C6: variants seen among roughly 807,000 people sequenced by gnomAD.
The protein encoded by C6 is complement C6.
In C6, 101 loss-of-function variants were observed where a neutral mutation model predicts 112.9. The ratio of observed to expected loss-of-function variants is 0.89; its 90% CI spans 0.76 to 1.06. The LOEUF (loss-of-function observed/expected upper bound fraction) is 1.06. Ranked by LOEUF, C6 falls within the 50% of genes least tolerant of loss-of-function variation. The pLI is 0.00. For synonymous variants in C6, 431 were observed against 384.1 expected (o/e 1.12, Z -1.43); for missense variants, 1,202 against 1,104.6 (o/e 1.09, Z -1.25).
intron 1 of C6, among the ~76,000 whole-genome samples, chr5:41,223,759 C>A (rs2962288): frequency 0.7 from 106,714 of 152,002 alleles, 37,543 homozygotes; most frequent in African/African-American, 0.73. Flanking sequence ...CAACAGAAAC[C>A]GTACTTTTAT....
chr5:41,207,374 A>G (rs1023177097), intron 1 of C6, among the ~76,000 whole-genome samples: 1 of 152,256 alleles, frequency 6.6e-6, no homozygotes, highest in Non-Finnish European at 1.5e-5. Flanking sequence ...TTCACACATA[A>G]CAATATTAAC....
chr5:41,190,258 C>A (rs1750094520), intron 5 of C6, among the ~76,000 whole-genome samples: 1 of 152,176 alleles, frequency 6.6e-6, no homozygotes, highest in African/African-American at 2.4e-5. Context: ...TTCTCCACAT[C>A]CTTTCCAGCA....
At chr5:41,231,479 G>A in intron 1 of C6, among the ~76,000 whole-genome samples, 1 of 152,164 alleles carries the variant, frequency 6.6e-6, no homozygotes, top group South Asian at 2.1e-4. Context: ...GCTTAACTTT[G>A]TTCACATACA....
At chr5:41,250,220 G>A (rs572689248) in intron 1 of C6, among the ~76,000 whole-genome samples, 2 of 152,128 alleles carry the variant, frequency 1.3e-5, no homozygotes, top group Non-Finnish European at 2.9e-5. Context: ...CTCACCCTAG[G>A]CTTGAGGAGA....
At chr5:41,167,834 G>T (rs1177613506) in intron 9 of C6, among the ~76,000 whole-genome samples, 1 of 152,124 alleles carries the variant, frequency 6.6e-6, no homozygotes, top group African/African-American at 2.4e-5. Context: ...TGATGCCTTA[G>T]GAAAAGTTTA....
chr5:41,209,465 G>T lies in C6; in HGVS notation c.-21+3911C>A, dbSNP rs1751715445. Among the ~76,000 whole-genome samples the T allele has an allele frequency of 2.0e-5, 3 of 152,168 alleles. No individual in the cohort carries two copies. The South Asian group carries it at 6.2e-4, about 32-fold the overall frequency. On this transcript the variant is annotated intron_variant, in intron 1 of 17. Coordinates refer to ENST00000337836, the MANE Select transcript of C6 (RefSeq NM_000065.5). ...TGCAGATGACATGATTGTATATTTA[G>T]AAAATCTCATCATCTCAGTCCAAAA...
intron 1 of C6, among the ~76,000 whole-genome samples, chr5:41,211,866 T>G (rs1390488123): frequency 2.0e-5 from 3 of 152,186 alleles, no homozygotes; most frequent in African/African-American, 7.2e-5. Context: ...TGCAAGAGAT[T>G]ACTAATTCTC....
At chr5:41,235,017 G>A (rs919944308) in intron 1 of C6, among the ~76,000 whole-genome samples, 38 of 149,856 alleles carry the variant, frequency 2.5e-4, no homozygotes, top group African/African-American at 9.1e-4. Context: ...AGCCAAAAAT[G>A]AGGATAATAT....
intron 1 of C6, among the ~76,000 whole-genome samples, chr5:41,234,231 G>T (rs1580235987): frequency 6.6e-6 from 1 of 151,932 alleles, no homozygotes; most frequent in Non-Finnish European, 1.5e-5. Flanking sequence ...TAACTTCCAG[G>T]TGAAGTAAAT....
In C6 at chr5:41,176,712, A is replaced by T; in HGVS notation, c.931T>A (p.Ser311Thr). 1 of 1,609,874 alleles carries T rather than the reference A, an allele frequency of 6.2e-7. No individual in the cohort carries two copies. Among genetic ancestry groups the T allele is most frequent in the Non-Finnish European group, 8.5e-7 (1 of 1,177,154 alleles). Residue 311 changes from serine to threonine, a missense_variant, in exon 8 of 18, where the codon TCT becomes ACT. Transcript: ENST00000337836. Reference protein sequence around the residue: ...QAIQASHKKDSSFIRIHKVMK... With the variant: ...QAIQASHKKDTSFIRIHKVMK... ...ACTTTATGGATCCTAATAAAACTAG[A>T]ATCCTAAATGGAAGAAAGAAGTAAA...
chr5:41,224,233 T>C (rs1452102462), intron 1 of C6, among the ~76,000 whole-genome samples: 1 of 152,186 alleles, frequency 6.6e-6, no homozygotes, highest in Non-Finnish European at 1.5e-5. Flanking sequence ...TCTCTTAAAA[T>C]AGCTTTATTG....
At chr5:41,211,229 G>A (rs1751897698) in intron 1 of C6, among the ~76,000 whole-genome samples, 1 of 152,002 alleles carries the variant, frequency 6.6e-6, no homozygotes. Context: ...ATACACCGGG[G>A]CCTGTAGTGG....
chr5:41,232,612 A>G (rs1366090766), intron 1 of C6, among the ~76,000 whole-genome samples: 3 of 152,106 alleles, frequency 2.0e-5, no homozygotes, highest in Non-Finnish European at 4.4e-5. Flanking sequence ...TCTGATTAGT[A>G]AAGTTATGTG....
chr5:41,205,059 C>T (rs184440806), intron 1 of C6, among the ~76,000 whole-genome samples: 1 of 152,260 alleles, frequency 6.6e-6, no homozygotes, highest in African/African-American at 2.4e-5. Flanking sequence ...AATGAACACA[C>T]ATTTGGGTAT....
In C6 at chr5:41,259,652, A is replaced by G. The variant is rs575805294; in HGVS notation, c.-21+1542T>C. On this transcript the variant is annotated intron_variant, in intron 1 of 17. Coordinates refer to the C6 transcript ENST00000263413. ...CTTGGCATAAATATTGAGAATTTAAATTACCAATTGCTTATAAGTGGGCCT... is the reference window on the plus strand; with the variant it reads ...CTTGGCATAAATATTGAGAATTTAAGTTACCAATTGCTTATAAGTGGGCCT... 1.7e-4 allele frequency among the ~76,000 whole-genome samples: 26 copies of G among 152,358 alleles called. 1 individual carries two copies. The South Asian group carries it at 5.4e-3, about 32-fold the overall frequency.
At chr5:41,144,736 T>C (rs1745656476) in intron 17 of C6, among the ~76,000 whole-genome samples, 1 of 152,144 alleles carries the variant, frequency 6.6e-6, no homozygotes, top group Non-Finnish European at 1.5e-5. Context: ...CTCTCCCTAC[T>C]CCCACTATCC....
At chr5:41,197,633 G>C (rs1194570764) in intron 4 of C6, among the ~76,000 whole-genome samples, 1 of 152,120 alleles carries the variant, frequency 6.6e-6, no homozygotes, top group Admixed American at 6.6e-5. Context: ...TACCAGATTT[G>C]TGAGAATACA....
rs554880060 is a variant in C6, at chr5:41,151,625, A to C, written c.2291-1600T>G. 2.6e-4 allele frequency among the ~76,000 whole-genome samples: 39 copies of C among 152,304 alleles called. 1 individual carries two copies. The highest frequency in any genetic ancestry group is 3.4e-3 in the Middle Eastern group (1 of 294). On this transcript the variant is annotated intron_variant, in intron 15 of 17. Coordinates refer to ENST00000337836, the MANE Select transcript of C6 (RefSeq NM_000065.5). ...TATTTGTCTATGGGGGAATCACTGA[A>C]GCTATGCATGTGGATGAGATTCTTC...
chr5:41,159,762 A>C (rs1368625193), intron 11 of C6, among the ~76,000 whole-genome samples: 1 of 152,180 alleles, frequency 6.6e-6, no homozygotes, highest in East Asian at 1.9e-4. Flanking sequence ...TCTATATTAC[A>C]ATACATAAGA....
Sources: allele counts gnomAD v4.1 joint callset (sites outside exome capture counted in the v4.1 genomes callset), GRCh38; gene constraint gnomAD v4.1.1; transcripts MANE v1.5; gene names NCBI Gene and HGNC (gene_info 2026-07-23, HGNC 2026-07-21).